Variants in PLCB1 observed in about 807,000 individuals in gnomAD.
PLCB1 encodes the protein 1-phosphatidylinositol 4,5-bisphosphate phosphodiesterase beta-1.
Under a neutral mutation model 161.8 loss-of-function variants are expected in PLCB1, and 46 were observed. The ratio of observed to expected loss-of-function variants is 0.28; its 90% CI spans 0.22 to 0.36. PLCB1 has a LOEUF of 0.36. Ranked by LOEUF, PLCB1 falls within the 10% of genes least tolerant of loss-of-function variation. The pLI is 1.00. For synonymous variants in PLCB1, 517 were observed against 503.7 expected, an observed-to-expected ratio of 1.03 and a Z score of -0.35; for missense variants, 1,016 against 1,472.5, an observed-to-expected ratio of 0.69 and a Z score of 5.07.
chr20:8,504,366 C>T (rs1446398257), intron 3 of PLCB1, among the ~76,000 whole-genome samples: 2 of 152,052 alleles, frequency 1.3e-5, no homozygotes, highest in Non-Finnish European at 2.9e-5. Context: ...CACCTAACTT[C>T]GAAGTGGGCA....
chr20:8,308,069 A>T (rs1167932499), intron 2 of PLCB1, among the ~76,000 whole-genome samples: 1 of 152,076 alleles, frequency 6.6e-6, no homozygotes, highest in Non-Finnish European at 1.5e-5. Context: ...TGAGTCAAAT[A>T]AACAAAATGC....
chr20:8,309,081 G>A (rs1361929750), intron 2 of PLCB1, among the ~76,000 whole-genome samples: 1 of 152,080 alleles, frequency 6.6e-6, no homozygotes, highest in East Asian at 1.9e-4. Context: ...AGCGCTGGGA[G>A]GAATAGTATT....
chr20:8,408,598 A>G (rs1978892317), intron 3 of PLCB1, among the ~76,000 whole-genome samples: 1 of 152,182 alleles, frequency 6.6e-6, no homozygotes, highest in African/African-American at 2.4e-5. Flanking sequence ...GATGCATGGG[A>G]CATACTGTAA....
At chr20:8,371,317 A>G (rs1986896114) in intron 2 of PLCB1, 65 bp from the exon 3 acceptor site, 2 of 1,070,426 alleles carry the variant, frequency 1.9e-6, no homozygotes, top group Non-Finnish European at 2.8e-6. Flanking sequence ...AGTGATGTCA[A>G]TGACATAAAA....
intron 3 of PLCB1, among the ~76,000 whole-genome samples, chr20:8,496,706 G>A (rs569592012): frequency 6.6e-6 from 1 of 152,276 alleles, no homozygotes; most frequent in South Asian, 2.1e-4. Context: ...TACATAGGTG[G>A]AAAGTAGAAA....
intron 3 of PLCB1, among the ~76,000 whole-genome samples, chr20:8,536,092 T>G (rs893042699): frequency 2.0e-5 from 3 of 152,142 alleles, no homozygotes; most frequent in Non-Finnish European, 4.4e-5. Context: ...ATGCACATGA[T>G]GGAGGAAAAA....
chr20:8,819,048 T>C (rs1463460470), intron 31 of PLCB1, among the ~76,000 whole-genome samples: 3 of 152,200 alleles, frequency 2.0e-5, no homozygotes, highest in Non-Finnish European at 4.4e-5. Context: ...AAAATTTTTA[T>C]GGTAAAGCAA....
chr20:8,590,548 T>C (rs1987117876), intron 3 of PLCB1, among the ~76,000 whole-genome samples: 1 of 152,060 alleles, frequency 6.6e-6, no homozygotes, highest in South Asian at 2.1e-4. Flanking sequence ...TATTTTACAG[T>C]TTTATAGGTC....
chr20:8,358,097 C>T (rs1293377583), intron 2 of PLCB1, among the ~76,000 whole-genome samples: 1 of 132,848 alleles, frequency 7.5e-6, no homozygotes, highest in Non-Finnish European at 1.6e-5. Flanking sequence ...TTGTCCCTTT[C>T]CCAGTTTACA....
At chr20:8,148,091 C>T (rs941647514) in intron 1 of PLCB1, among the ~76,000 whole-genome samples, 6 of 151,924 alleles carry the variant, frequency 3.9e-5, no homozygotes, top group African/African-American at 1.2e-4. Flanking sequence ...TTGTCAGATG[C>T]TCTGATAAGA....
intron 31 of PLCB1, among the ~76,000 whole-genome samples, chr20:8,794,432 T>C (rs1228783459): frequency 6.6e-6 from 1 of 152,236 alleles, no homozygotes; most frequent in African/African-American, 2.4e-5. Context: ...CTTCAGCCGG[T>C]CCCTCCATAT....
intron 2 of PLCB1, among the ~76,000 whole-genome samples, chr20:8,293,640 A>G (rs1409013557): frequency 6.6e-6 from 1 of 151,970 alleles, no homozygotes; most frequent in African/African-American, 2.4e-5. Flanking sequence ...GCTTTTGTAT[A>G]AAGTGCAGAT....
intron 4 of PLCB1, among the ~76,000 whole-genome samples, chr20:8,640,220 T>A (rs1279115539): frequency 2.0e-5 from 3 of 152,238 alleles, no homozygotes; most frequent in Non-Finnish European, 2.9e-5. Context: ...CGTTCACTAA[T>A]CAGTTTTCAA....
intron 2 of PLCB1, among the ~76,000 whole-genome samples, chr20:8,168,988 G>T (rs556486530): frequency 1.3e-5 from 2 of 152,146 alleles, no homozygotes; most frequent in African/African-American, 4.8e-5. Flanking sequence ...GGAAAAGTTT[G>T]GTAGATTTTG....
chr20:8,676,694 C>G (rs550379919), intron 9 of PLCB1, among the ~76,000 whole-genome samples: 9 of 152,306 alleles, frequency 5.9e-5, no homozygotes, highest in South Asian at 2.1e-4. Context: ...CTTACCAACT[C>G]TCATACTTTT....
intron 11 of PLCB1, among the ~76,000 whole-genome samples, chr20:8,698,713 G>A (rs1434548329): frequency 1.3e-5 from 2 of 152,068 alleles, no homozygotes; most frequent in Non-Finnish European, 2.9e-5. Flanking sequence ...TTTGGGGGAC[G>A]GTTCAAAGGA....
At chr20:8,331,575 GT>G (rs1225701602) in intron 2 of PLCB1, among the ~76,000 whole-genome samples, 1 of 152,176 alleles carries the variant, frequency 6.6e-6, no homozygotes. Flanking sequence ...CTGAAGCATG[GT>G]GTCTGAGTCC....
intron 2 of PLCB1, among the ~76,000 whole-genome samples, chr20:8,159,714 G>A (rs1296685305): frequency 4.6e-5 from 7 of 151,926 alleles, no homozygotes; most frequent in Admixed American, 2.0e-4. Context: ...CAGGCCGGGC[G>A]TGGTGGCTCA....
intron 2 of PLCB1, among the ~76,000 whole-genome samples, chr20:8,334,887 A>G (rs1001472526): frequency 3.9e-5 from 6 of 152,206 alleles, no homozygotes; most frequent in Admixed American, 6.5e-5. Context: ...TCAACATGCC[A>G]TTGCAGAACA....
Sources: gnomAD v4.1 joint callset for allele counts (sites outside exome capture counted in the v4.1 genomes callset) on GRCh38, gnomAD v4.1.1 for gene constraint, MANE v1.5 for transcripts, NCBI Gene and HGNC (gene_info 2026-07-23, HGNC 2026-07-21) for gene names.